EYS: variants seen among roughly 807,000 people sequenced by gnomAD.
The protein encoded by EYS is EGF-like photoreceptor maintenance factor, also known as protein eyes shut homolog.
Under a neutral mutation model 282.1 loss-of-function variants are expected in EYS, and 250 were observed. That is an observed-to-expected ratio of 0.89 (90% CI 0.80 to 0.98). The LOEUF (loss-of-function observed/expected upper bound fraction) is 0.98. Among genes scored for constraint, EYS ranks in the 50% least tolerant of loss-of-function variants. The pLI, the probability that EYS is intolerant of heterozygous loss-of-function variation, is 0.00. For synonymous variants in EYS, 1,355 were observed against 1,282.9 expected (o/e 1.06, Z -1.20); for missense variants, 4,016 against 3,709.0 (o/e 1.08, Z -2.15).
chr6:64,555,520 G>T (rs1205491672), intron 26 of EYS, among the ~76,000 whole-genome samples: 1 of 151,768 alleles, frequency 6.6e-6, no homozygotes, highest in Admixed American at 6.6e-5. Flanking sequence ...AAAATGTGAG[G>T]TAATGCATGT....
intron 14 of EYS, among the ~76,000 whole-genome samples, chr6:64,981,494 C>T (rs1770664284): frequency 6.6e-6 from 1 of 151,352 alleles, no homozygotes; most frequent in East Asian, 2.0e-4. Context: ...CAAACATGCC[C>T]TTCTTACCTT....
chr6:64,350,573 C>T (rs1167116272), intron 29 of EYS, among the ~76,000 whole-genome samples: 2 of 151,548 alleles, frequency 1.3e-5, no homozygotes, highest in African/African-American at 4.8e-5. Context: ...CATCTGCCTA[C>T]ACTATCCCTC....
intron 21 of EYS, among the ~76,000 whole-genome samples, chr6:64,816,240 A>G (rs761736005): frequency 6.6e-6 from 1 of 152,088 alleles, no homozygotes; most frequent in Non-Finnish European, 1.5e-5. Context: ...ACCTTCACAG[A>G]ATTCCGTGAA....
chr6:64,878,224 G>A (rs537327808), intron 19 of EYS, among the ~76,000 whole-genome samples: 35 of 151,704 alleles, frequency 2.3e-4, no homozygotes, highest in East Asian at 5.8e-4. Flanking sequence ...AGACTCCATC[G>A]GAAAAAAGAA....
At chr6:65,184,878 C>T (rs868746951) in intron 12 of EYS, among the ~76,000 whole-genome samples, 2 of 151,456 alleles carry the variant, frequency 1.3e-5, no homozygotes, top group South Asian at 4.1e-4. Context: ...TATGATAAAA[C>T]GTTTGGATAA....
intron 12 of EYS, among the ~76,000 whole-genome samples, chr6:65,243,605 A>AT (rs34420208): frequency 0.026 from 3,982 of 152,134 alleles, 168 homozygotes; most frequent in African/African-American, 0.091. Context: ...CAAAGACTTT[A>AT]TTTTTTTCTT....
At chr6:65,433,935 C>T (rs1767970399) in intron 5 of EYS, among the ~76,000 whole-genome samples, 1 of 152,196 alleles carries the variant, frequency 6.6e-6, no homozygotes, top group Non-Finnish European at 1.5e-5. Context: ...CTTCAAATCA[C>T]TTCTGTGGCT....
intron 12 of EYS, among the ~76,000 whole-genome samples, chr6:65,206,090 A>G (rs889009969): frequency 6.6e-6 from 1 of 151,790 alleles, no homozygotes; most frequent in African/African-American, 2.4e-5. Context: ...GATCAACAAA[A>G]TGAAAAGTTG....
chr6:64,848,388 C>T (rs954589189), intron 19 of EYS, among the ~76,000 whole-genome samples: 5 of 151,918 alleles, frequency 3.3e-5, no homozygotes, highest in Non-Finnish European at 7.4e-5. Context: ...AATAGGTAAA[C>T]AGCAATCATG....
At chr6:64,810,404 A>C (rs4710286) in intron 22 of EYS, among the ~76,000 whole-genome samples, 66,287 of 151,776 alleles carry the variant, frequency 0.44, 15,479 homozygotes, top group Admixed American at 0.62. Flanking sequence ...GCAATGACGG[A>C]GATGAAAGCA....
intron 24 of EYS, among the ~76,000 whole-genome samples, chr6:64,610,756 G>A (rs547143106): frequency 6.6e-6 from 1 of 152,090 alleles, no homozygotes; most frequent in East Asian, 1.9e-4. Flanking sequence ...TAAAATGTAA[G>A]GCAACTTATT....
At chr6:65,394,389 C>T (rs1306341326) in intron 7 of EYS, among the ~76,000 whole-genome samples, 1 of 152,124 alleles carries the variant, frequency 6.6e-6, no homozygotes, top group Non-Finnish European at 1.5e-5. Flanking sequence ...GTCACAATGA[C>T]TTTCCCTTCT....
chr6:64,421,038 G>A (rs189020783), intron 28 of EYS, among the ~76,000 whole-genome samples: 63 of 152,068 alleles, frequency 4.1e-4, no homozygotes, highest in Middle Eastern at 3.4e-3. Flanking sequence ...CACTCTCTGT[G>A]GTACCAATAT....
At chr6:63,855,405 C>T (rs1055420163) in intron 36 of EYS, among the ~76,000 whole-genome samples, 2 of 152,158 alleles carry the variant, frequency 1.3e-5, no homozygotes, top group South Asian at 2.1e-4. Flanking sequence ...AAAAATACTT[C>T]TGGAAATATT....
chr6:64,965,514 AT>A (rs1256538165), intron 14 of EYS, among the ~76,000 whole-genome samples: 5 of 152,090 alleles, frequency 3.3e-5, no homozygotes, highest in African/African-American at 1.2e-4. Flanking sequence ...AATGAAGATC[AT>A]TCAGACTTTT....
intron 30 of EYS, among the ~76,000 whole-genome samples, chr6:64,250,618 A>G (rs1435341484): frequency 6.6e-6 from 1 of 152,244 alleles, no homozygotes; most frequent in Non-Finnish European, 1.5e-5. Flanking sequence ...AATAGCTTAC[A>G]TTGAAGGGTA....
At position 63,817,823 on chromosome 6, in the gene EYS, T is replaced by G. The variant is rs576358162; in HGVS notation, c.7229-11451A>C. 4.6e-5 allele frequency among the ~76,000 whole-genome samples: 7 copies of G among 152,304 alleles called. No individual in the cohort carries two copies. The South Asian group carries it at 1.2e-3, about 27-fold the overall frequency. The stretch of plus-strand genomic sequence containing the variant: ...GCCCTGCAGTTGGTTGGATTCTTTA[T>G]CTGGTGTGGTGATGCAAGTCATCAT... On this transcript the variant is annotated intron_variant, in intron 36 of 42. Transcript: ENST00000503581.
At chr6:64,026,281 T>G (rs1014840918) in intron 33 of EYS, among the ~76,000 whole-genome samples, 4 of 151,876 alleles carry the variant, frequency 2.6e-5, no homozygotes, top group African/African-American at 4.8e-5. Flanking sequence ...ATCAGCAGGG[T>G]CCAGGGTCCG....
In EYS at chr6:65,700,963, T is replaced by G. The variant is rs1460290175; in HGVS notation, c.-448+6172A>C. 2.0e-5 allele frequency among the ~76,000 whole-genome samples: 3 copies of G among 152,222 alleles called. No individual in the cohort carries two copies. The East Asian group carries it at 5.8e-4, about 29-fold the overall frequency. On this transcript the variant is annotated intron_variant, in intron 1 of 42. Transcript: ENST00000503581. ...GTCACATATCTGGTTTATTGTTTCA[T>G]ATTGCTATACAGCATCTCATAGTGT... is the stretch of plus-strand genomic sequence containing the variant.
Sources: allele counts gnomAD v4.1 joint callset (sites outside exome capture counted in the v4.1 genomes callset), GRCh38; gene constraint gnomAD v4.1.1; transcripts MANE v1.5; gene names NCBI Gene and HGNC (gene_info 2026-07-23, HGNC 2026-07-21).